CSRNP3: variants seen among roughly 807,000 people sequenced by gnomAD.
The protein encoded by CSRNP3 is cysteine and serine rich nuclear protein 3, also known as cysteine/serine-rich nuclear protein 3.
In CSRNP3, 12 loss-of-function variants were observed where a neutral mutation model predicts 48.0. The ratio of observed to expected loss-of-function variants is 0.25; its 90% CI spans 0.16 to 0.41. The LOEUF (loss-of-function observed/expected upper bound fraction) is 0.41, where lower values mean the gene tolerates loss of function less well. Ranked by LOEUF, CSRNP3 falls within the 10% of genes least tolerant of loss-of-function variation. The pLI is 1.00. For synonymous variants in CSRNP3, 263 were observed against 269.7 expected, an observed-to-expected ratio of 0.98 and a Z score of 0.24; for missense variants, 580 against 724.4, an observed-to-expected ratio of 0.80 and a Z score of 2.29.
chr2:165,647,224 C>T (rs2105338814), intron 4 of CSRNP3, among the ~76,000 whole-genome samples: 1 of 152,262 alleles, frequency 6.6e-6, no homozygotes, highest in African/African-American at 2.4e-5. Flanking sequence ...CTAAGAAATG[C>T]AGATGCTCAT....
intron 2 of CSRNP3, among the ~76,000 whole-genome samples, chr2:165,497,294 T>A (rs914695030): frequency 9.2e-5 from 14 of 152,020 alleles, no homozygotes; most frequent in Non-Finnish European, 1.5e-4. Context: ...GATGTACTTT[T>A]CTTTGTGAAT....
At chr2:165,537,685 C>T (rs1684898877) in intron 3 of CSRNP3, among the ~76,000 whole-genome samples, 6 of 151,666 alleles carry the variant, frequency 4.0e-5, no homozygotes, top group Admixed American at 1.3e-4. Context: ...ATATTGTTCA[C>T]TCCAAACTTT....
chr2:165,658,364 G>C (rs1687042099), intron 5 of CSRNP3, among the ~76,000 whole-genome samples: 1 of 152,110 alleles, frequency 6.6e-6, no homozygotes, highest in Admixed American at 6.6e-5. Context: ...TAATAAAAGT[G>C]CTAAACAAAA....
chr2:165,485,590 CAG>C (rs1446754636), intron 1 of CSRNP3, among the ~76,000 whole-genome samples: 2 of 152,166 alleles, frequency 1.3e-5, no homozygotes, highest in African/African-American at 4.8e-5. Flanking sequence ...AACCCAGAGC[CAG>C]AGTCCTATAG....
chr2:165,662,543 C>G (rs370638627), intron 5 of CSRNP3, among the ~76,000 whole-genome samples: 3 of 152,330 alleles, frequency 2.0e-5, no homozygotes, highest in East Asian at 3.9e-4. Flanking sequence ...ATACTATACA[C>G]TTTTCCAAAT....
In CSRNP3 at chr2:165,508,052, A is replaced by T. The variant is rs564153861; in HGVS notation, c.-112-9821A>T. 6.6e-5 allele frequency among the ~76,000 whole-genome samples: 10 copies of T among 152,032 alleles called. No homozygotes were observed. The South Asian group carries it at 2.1e-3, about 32-fold the overall frequency. On this transcript the variant is annotated intron_variant, in intron 2 of 6. Coordinates refer to ENST00000651982, the MANE Select transcript of CSRNP3 (RefSeq NM_001172173.2). ...GCTTGATTAACTAAAAGTTGAGCTA[A>T]CCAATTATGTAAAGGTCTCCGTCTT...
intron 4 of CSRNP3, among the ~76,000 whole-genome samples, chr2:165,627,929 G>A (rs940150807): frequency 6.6e-5 from 10 of 152,136 alleles, no homozygotes; most frequent in Admixed American, 6.5e-4. Flanking sequence ...CAGTAGACTC[G>A]TTTTCTCTCC....
chr2:165,496,447 G>T (rs1558916788), intron 2 of CSRNP3, among the ~76,000 whole-genome samples: 1 of 151,994 alleles, frequency 6.6e-6, no homozygotes, highest in Non-Finnish European at 1.5e-5. Flanking sequence ...CTGAGCACTG[G>T]ATGATGCTTG....
intron 5 of CSRNP3, among the ~76,000 whole-genome samples, chr2:165,672,977 A>G (rs1050409677): frequency 3.3e-5 from 5 of 152,120 alleles, no homozygotes; most frequent in African/African-American, 9.7e-5. Flanking sequence ...AGCCTAAGCT[A>G]GAGTATCTCC....
At position 165,579,735 on chromosome 2, in the gene CSRNP3, T is replaced by C. The variant is rs575862573; in HGVS notation, c.-23-15308T>C. 3.9e-5 allele frequency among the ~76,000 whole-genome samples: 6 copies of C among 152,292 alleles called. No individual in the cohort carries two copies. In the Middle Eastern group the frequency reaches 0.01, roughly 259 times the overall value. On this transcript the variant is annotated intron_variant, in intron 3 of 6. Coordinates refer to ENST00000651982, the MANE Select transcript of CSRNP3 (RefSeq NM_001172173.2). ...ATTGCTATTTTAAACTTCCTGAATA[T>C]CATATTGGTGTTTAGAAATATTGAA...
intron 1 of CSRNP3, among the ~76,000 whole-genome samples, chr2:165,481,928 C>T (rs1018274381): frequency 1.3e-5 from 2 of 151,860 alleles, no homozygotes; most frequent in African/African-American, 2.4e-5. Flanking sequence ...GGGGAGGGCT[C>T]GAGGAGACAG....
chr2:165,618,323 G>C (rs1404496346), intron 4 of CSRNP3, among the ~76,000 whole-genome samples: 1 of 152,110 alleles, frequency 6.6e-6, no homozygotes, highest in Non-Finnish European at 1.5e-5. Flanking sequence ...TACTTCAGAG[G>C]GTCCCTGTCA....
At position 165,681,004 on chromosome 2, in the gene CSRNP3, G is replaced by A. The variant is rs1687527926; in HGVS notation, c.*1251G>A. The A allele has an allele frequency of 2.0e-5, 3 of 152,140 alleles. No individual in the cohort carries two copies. The allele number at this position is 152,140 out of a possible 1,614,324, so 9.4% of individuals were successfully genotyped here. On this transcript the variant is annotated 3_prime_UTR_variant, in exon 7 of 7. Transcript: ENST00000651982. ...AGGCCTTTCTTTTCTGAAGCATTTT[G>A]ATTTGTCTTGCCTGGGACAACTAGC...
At chr2:165,671,588 A>G (rs960953960) in intron 5 of CSRNP3, among the ~76,000 whole-genome samples, 4 of 152,218 alleles carry the variant, frequency 2.6e-5, no homozygotes, top group African/African-American at 9.6e-5. Context: ...GGCCAGGCCC[A>G]GGAAACCATT....
chr2:165,630,191 G>A (rs1406565952), intron 4 of CSRNP3, among the ~76,000 whole-genome samples: 1 of 151,970 alleles, frequency 6.6e-6, no homozygotes, highest in Non-Finnish European at 1.5e-5. Context: ...CTCCTTTTCT[G>A]CCTGAAAAAA....
intron 3 of CSRNP3, among the ~76,000 whole-genome samples, chr2:165,528,444 A>G (rs926284920): frequency 6.6e-6 from 1 of 152,204 alleles, no homozygotes; most frequent in Non-Finnish European, 1.5e-5. Context: ...TAGTGCAGTT[A>G]CTGTTTCAGG....
At chr2:165,547,330 A>T (rs1040706331) in intron 3 of CSRNP3, among the ~76,000 whole-genome samples, 7 of 152,194 alleles carry the variant, frequency 4.6e-5, no homozygotes, top group African/African-American at 1.7e-4. Context: ...ATCAGTCAAA[A>T]GGTTTGTGCT....
intron 2 of CSRNP3, among the ~76,000 whole-genome samples, chr2:165,504,026 A>T (rs1684392702): frequency 6.6e-6 from 1 of 152,024 alleles, no homozygotes. Flanking sequence ...AAAATGAAAA[A>T]TATTCTTCCT....
At chr2:165,619,886 T>C (rs1159683427) in intron 4 of CSRNP3, among the ~76,000 whole-genome samples, 1 of 152,156 alleles carries the variant, frequency 6.6e-6, no homozygotes, top group Admixed American at 6.5e-5. Flanking sequence ...TAAGTTAAAC[T>C]TGCTACTTAG....
Sources: gnomAD v4.1 joint callset for allele counts (sites outside exome capture counted in the v4.1 genomes callset) on GRCh38, gnomAD v4.1.1 for gene constraint, MANE v1.5 for transcripts, NCBI Gene and HGNC (gene_info 2026-07-23, HGNC 2026-07-21) for gene names.